The following TRAPPC9 variants were observed in gnomAD, a reference collection of about 807,000 sequenced individuals.
TRAPPC9 encodes the protein trafficking protein particle complex subunit 9.
A neutral mutation model predicts 124.0 loss-of-function variants in TRAPPC9; 83 were observed. The ratio of observed to expected loss-of-function variants is 0.67; its 90% CI spans 0.56 to 0.80. The LOEUF (loss-of-function observed/expected upper bound fraction) is 0.80, where lower values mean the gene tolerates loss of function less well. TRAPPC9 is among the 30% of genes least tolerant of loss of function. The pLI is 0.00. For synonymous variants in TRAPPC9, 638 were observed against 617.5 expected (o/e 1.03, Z -0.49); for missense variants, 1,302 against 1,508.3 (o/e 0.86, Z 2.27).
At chr8:140,080,950 T>C (rs1843779512) in intron 17 of TRAPPC9, among the ~76,000 whole-genome samples, 1 of 152,176 alleles carries the variant, frequency 6.6e-6, no homozygotes, top group African/African-American at 2.4e-5. Flanking sequence ...CATGGAAGGA[T>C]GGTGAGGAAG....
chr8:139,767,523 G>A (rs143325278), intron 21 of TRAPPC9, among the ~76,000 whole-genome samples: 36 of 152,326 alleles, frequency 2.4e-4, no homozygotes, highest in African/African-American at 8.2e-4. Flanking sequence ...GATCCAGGAG[G>A]AACATGCTGG....
intron 9 of TRAPPC9, among the ~76,000 whole-genome samples, chr8:140,332,290 A>G (rs958148127): frequency 6.6e-6 from 1 of 152,204 alleles, no homozygotes; most frequent in Non-Finnish European, 1.5e-5. Context: ...AGTTGATCTC[A>G]TAAGGAGAGA....
At chr8:139,855,734 C>A (rs981735868) in intron 21 of TRAPPC9, among the ~76,000 whole-genome samples, 4 of 152,236 alleles carry the variant, frequency 2.6e-5, no homozygotes, top group Admixed American at 6.5e-5. Context: ...TGGGGCATGT[C>A]CTGTCTTCTG....
At chr8:139,979,085 G>A (rs892969191) in intron 19 of TRAPPC9, among the ~76,000 whole-genome samples, 9 of 151,964 alleles carry the variant, frequency 5.9e-5, no homozygotes, top group South Asian at 2.1e-4. Context: ...GGCCAGGTGC[G>A]GAGCCGTGAG....
At chr8:140,452,077 C>T (rs1405436013) in intron 1 of TRAPPC9, among the ~76,000 whole-genome samples, 2 of 150,138 alleles carry the variant, frequency 1.3e-5, no homozygotes, top group South Asian at 2.1e-4. Flanking sequence ...GCCAAGATTG[C>T]GCCACTGCAC....
chr8:140,445,134 C>G (rs2071195436), intron 2 of TRAPPC9, among the ~76,000 whole-genome samples: 1 of 152,198 alleles, frequency 6.6e-6, no homozygotes. Flanking sequence ...AAAAACACTT[C>G]CCCCATGGCC....
chr8:140,304,670 C>T lies in TRAPPC9; in HGVS notation c.1623-4056G>A, dbSNP rs147838545. Among the ~76,000 whole-genome samples, 435 of 152,328 alleles carry T rather than the reference C, an allele frequency of 2.9e-3. 2 individuals carry two copies. Among genetic ancestry groups the T allele is most frequent in the South Asian group, 4.1e-3 (20 of 4,824 alleles). On this transcript the variant is annotated intron_variant, in intron 10 of 22. Transcript: ENST00000438773. ...CCAGGTGCTGAGAGCATTAACAACACGAGCCCGCTCCCCTCAGTCAGCATC... is the reference window on the plus strand; with the variant it reads ...CCAGGTGCTGAGAGCATTAACAACATGAGCCCGCTCCCCTCAGTCAGCATC...
intron 9 of TRAPPC9, among the ~76,000 whole-genome samples, chr8:140,342,818 T>C (rs2067232336): frequency 6.6e-6 from 1 of 152,252 alleles, no homozygotes; most frequent in African/African-American, 2.4e-5. Context: ...CATTCATTTT[T>C]GGCCAGAGTT....
intron 7 of TRAPPC9, among the ~76,000 whole-genome samples, chr8:140,396,139 T>G (rs753533373): frequency 1.1e-4 from 1 of 8,812 alleles, no homozygotes. Flanking sequence ...AGACCTTGCC[T>G]TTTTTTTTTT....
At chr8:140,299,848 A>C (rs1330958437) in intron 11 of TRAPPC9, among the ~76,000 whole-genome samples, 2 of 152,208 alleles carry the variant, frequency 1.3e-5, no homozygotes, top group Non-Finnish European at 2.9e-5. Context: ...ACACAGCTTA[A>C]CCCAGGACTG....
chr8:140,374,532 T>C (rs2068378283), intron 7 of TRAPPC9, among the ~76,000 whole-genome samples: 1 of 150,484 alleles, frequency 6.6e-6, no homozygotes, highest in Non-Finnish European at 1.5e-5. Context: ...ATTGTGCCAT[T>C]ACACTCCAGC....
At chr8:140,420,694 C>T (rs2070170825) in intron 5 of TRAPPC9, among the ~76,000 whole-genome samples, 1 of 151,000 alleles carries the variant, frequency 6.6e-6, no homozygotes, top group Non-Finnish European at 1.5e-5. Flanking sequence ...ACACCTACTG[C>T]TTAAAAAAAT....
intron 12 of TRAPPC9, among the ~76,000 whole-genome samples, chr8:140,289,182 T>TA (rs1451332472): frequency 1.9e-4 from 6 of 31,116 alleles, no homozygotes; most frequent in African/African-American, 4.8e-4. Flanking sequence ...ATAGTGTGTG[T>TA]GTGTGTGTGT....
At chr8:140,376,472 C>T (rs1588241613) in intron 7 of TRAPPC9, among the ~76,000 whole-genome samples, 2 of 143,242 alleles carry the variant, frequency 1.4e-5, no homozygotes, top group Non-Finnish European at 3.0e-5. Context: ...AGGAGAATGG[C>T]GTGAACTTGG....
At chr8:140,121,395 A>G (rs183684515) in intron 17 of TRAPPC9, among the ~76,000 whole-genome samples, 28 of 152,328 alleles carry the variant, frequency 1.8e-4, no homozygotes, top group African/African-American at 6.3e-4. Context: ...TGGTTTATCT[A>G]AGGAGTTTGA....
intron 9 of TRAPPC9, among the ~76,000 whole-genome samples, chr8:140,335,609 A>C (rs534501987): frequency 9.2e-5 from 14 of 152,112 alleles, no homozygotes; most frequent in African/African-American, 3.1e-4. Context: ...AGAGGTCAGG[A>C]GTGGAAATAT....
Position 140,447,472 on chromosome 8 carries a change from C to T in TRAPPC9, c.584+3318G>A, listed in dbSNP as rs141686937. Among the ~76,000 whole-genome samples the T allele has an allele frequency of 5.3e-5, 8 of 150,366 alleles. No individual in the cohort carries two copies. In the East Asian group the frequency reaches 1.6e-3, roughly 29 times the overall value. ...ATAACACACTCACAGGGCAGTATGA[C>T]AGAAAAAAAGAAAAAGAAAAAGAAA... On this transcript the variant is annotated intron_variant, in intron 2 of 22. Transcript: ENST00000438773.
intron 17 of TRAPPC9, among the ~76,000 whole-genome samples, chr8:140,174,022 A>T (rs2062015326): frequency 6.6e-6 from 1 of 152,238 alleles, no homozygotes; most frequent in Non-Finnish European, 1.5e-5. Context: ...GAGCCATGGT[A>T]GCCATTATAA....
At chr8:139,940,206 C>T (rs1454111963) in intron 19 of TRAPPC9, among the ~76,000 whole-genome samples, 1 of 152,176 alleles carries the variant, frequency 6.6e-6, no homozygotes. Context: ...TTACTGCCCC[C>T]AAGTCTCTCT....
Sources: allele counts gnomAD v4.1 joint callset (sites outside exome capture counted in the v4.1 genomes callset), GRCh38; gene constraint gnomAD v4.1.1; transcripts MANE v1.5; gene names NCBI Gene and HGNC (gene_info 2026-07-23, HGNC 2026-07-21).